SKIC3: variants seen among roughly 807,000 people sequenced by gnomAD.
The protein encoded by SKIC3 is SKI3 subunit of superkiller complex, also known as superkiller complex protein 3.
chr5:95,526,099 C>T, the SKIC3 span, among the ~76,000 whole-genome samples: 1 of 152,104 alleles, frequency 6.6e-6, no homozygotes, highest in Non-Finnish European at 1.5e-5. Context: ...CATTATCATA[C>T]CTAAACAAAA....
At chr5:95,552,069 C>T in the SKIC3 span, among the ~76,000 whole-genome samples, 1 of 152,196 alleles carries the variant, frequency 6.6e-6, no homozygotes, top group Non-Finnish European at 1.5e-5. Flanking sequence ...CGGCCCCTGA[C>T]TTACAAATGG....
At chr5:95,549,027 T>C in the SKIC3 span, among the ~76,000 whole-genome samples, 1 of 151,760 alleles carries the variant, frequency 6.6e-6, no homozygotes, top group African/African-American at 2.4e-5. Context: ...ATAATCTAAA[T>C]CAAGAGAAAG....
the SKIC3 span, among the ~76,000 whole-genome samples, chr5:95,473,978 T>C: frequency 6.6e-6 from 1 of 152,220 alleles, no homozygotes; most frequent in Non-Finnish European, 1.5e-5. Flanking sequence ...AAAAATTCTT[T>C]GCCAAGGCCG....
At chr5:95,469,078 T>C in the SKIC3 span, among the ~76,000 whole-genome samples, 1 of 152,336 alleles carries the variant, frequency 6.6e-6, no homozygotes, top group South Asian at 2.1e-4. Context: ...ATTTCTACCA[T>C]ACCTATTCTG....
chr5:95,469,762 G>T, the SKIC3 span: 2 of 1,613,460 alleles, frequency 1.2e-6, no homozygotes, highest in Non-Finnish European at 1.7e-6. Flanking sequence ...ATAAGAAAAA[G>T]ATGAAGATTC....
At chr5:95,469,908 A>G in the SKIC3 span, 2 of 1,614,030 alleles carry the variant, frequency 1.2e-6, no homozygotes, top group Non-Finnish European at 1.7e-6. Context: ...TGGAAATGTT[A>G]GCCTATAAAA....
chr5:95,498,503 C>T, the SKIC3 span: 1 of 1,614,188 alleles, frequency 6.2e-7, no homozygotes, highest in East Asian at 2.2e-5. Context: ...TCATTAAGTG[C>T]TGCTTTTGAC....
the SKIC3 span, chr5:95,523,744 C>T: frequency 6.2e-7 from 1 of 1,613,526 alleles, no homozygotes; most frequent in East Asian, 2.2e-5. Flanking sequence ...CTATAACATC[C>T]ACGAGCTCTG....
chr5:95,535,071 T>C, the SKIC3 span, among the ~76,000 whole-genome samples: 1 of 152,308 alleles, frequency 6.6e-6, no homozygotes, highest in East Asian at 1.9e-4. Flanking sequence ...TTCACTATCA[T>C]ACTCCTCGTT....
the SKIC3 span, chr5:95,522,324 C>G: frequency 6.2e-7 from 1 of 1,611,650 alleles, no homozygotes; most frequent in Admixed American, 1.7e-5. Flanking sequence ...TTTAAAAAAC[C>G]GTAAGAGAAC....
At chr5:95,523,888 TC>T in the SKIC3 span, 1 of 1,506,416 alleles carries the variant, frequency 6.6e-7, no homozygotes, top group Non-Finnish European at 9.2e-7. Flanking sequence ...TTAATGAGTA[TC>T]TTTACAAATA....
the SKIC3 span, among the ~76,000 whole-genome samples, chr5:95,534,870 C>T: frequency 5.3e-5 from 8 of 152,228 alleles, no homozygotes; most frequent in African/African-American, 1.9e-4. Flanking sequence ...ATTGATCTCT[C>T]ATCTGCAAAC....
At chr5:95,535,026 A>C in the SKIC3 span, among the ~76,000 whole-genome samples, 5 of 152,178 alleles carry the variant, frequency 3.3e-5, no homozygotes, top group African/African-American at 1.2e-4. Flanking sequence ...CTAAGAAATC[A>C]CTTTCATTTT....
At chr5:95,513,147 G>GAAAGAAT in the SKIC3 span, 1 of 184,966 alleles carries the variant, frequency 5.4e-6, no homozygotes. Context: ...CTGTTTCTAA[G>GAAAGAAT]AAAGAATAAA....
At chr5:95,503,947 T>C in the SKIC3 span, 2,028 of 1,613,656 alleles carry the variant, frequency 1.3e-3, 4 homozygotes, top group South Asian at 1.6e-3. Context: ...AACTAAGAAG[T>C]AAAGCACAAC....
chr5:95,478,761 TAAAGAA>T, the SKIC3 span, among the ~76,000 whole-genome samples: 2 of 152,150 alleles, frequency 1.3e-5, no homozygotes, highest in East Asian at 3.9e-4. Flanking sequence ...ATTAACAGAA[TAAAGAA>T]AAAGATTAAT....
At chr5:95,516,806 T>C in the SKIC3 span, 1 of 1,585,556 alleles carries the variant, frequency 6.3e-7, no homozygotes, top group South Asian at 1.1e-5. Context: ...AGCATGTATA[T>C]CAAGATATAT....
the SKIC3 span, chr5:95,548,795 A>T: frequency 6.6e-6 from 1 of 151,996 alleles, no homozygotes; most frequent in African/African-American, 2.4e-5. Context: ...ACACTCAAGT[A>T]AAAAAATCAA....
chr5:95,552,770 CA>C, the SKIC3 span, among the ~76,000 whole-genome samples: 1 of 151,542 alleles, frequency 6.6e-6, no homozygotes, highest in Non-Finnish European at 1.5e-5. Context: ...TACTGATTAG[CA>C]AAAATGTTGT....
Sources: gnomAD v4.1 joint callset for allele counts (sites outside exome capture counted in the v4.1 genomes callset) on GRCh38, gnomAD v4.1.1 for gene constraint, MANE v1.5 for transcripts, NCBI Gene and HGNC (gene_info 2026-07-23, HGNC 2026-07-21) for gene names.